The following ZNF608 variants were observed in gnomAD, a reference collection of about 807,000 sequenced individuals.
The protein encoded by ZNF608 is renal carcinoma antigen NY-REN-36.
ZNF608 carries 12 observed loss-of-function variants against 109.0 expected under a neutral mutation model. That is an observed-to-expected ratio of 0.11 (90% CI 0.07 to 0.18). The LOEUF (loss-of-function observed/expected upper bound fraction) is 0.18. Among genes scored for constraint, ZNF608 ranks in the 10% least tolerant of loss-of-function variants. The pLI is 1.00. For synonymous variants in ZNF608, 732 were observed against 717.4 expected (o/e 1.02, Z -0.33); for missense variants, 1,707 against 1,879.3 (o/e 0.91, Z 1.70).
intron 5 of ZNF608, among the ~76,000 whole-genome samples, chr5:124,645,603 A>AG (rs1561530964): frequency 2.0e-5 from 3 of 152,132 alleles, no homozygotes; most frequent in African/African-American, 7.2e-5. Context: ...GTGCTGGGAA[A>AG]TAACCAGGAT....
At chr5:124,742,302 G>A (rs1014496666) in intron 2 of ZNF608, among the ~76,000 whole-genome samples, 1 of 152,202 alleles carries the variant, frequency 6.6e-6, no homozygotes, top group Non-Finnish European at 1.5e-5. Context: ...ATTGTTGAAT[G>A]TGAACATTTG....
intron 2 of ZNF608, among the ~76,000 whole-genome samples, chr5:124,713,937 A>T (rs929757826): frequency 7.6e-4 from 115 of 152,278 alleles, no homozygotes; most frequent in Non-Finnish European, 1.3e-4. Context: ...TAACTCTCTT[A>T]AAAAAACCTA....
chr5:124,662,726 C>T (rs11241761), intron 3 of ZNF608, among the ~76,000 whole-genome samples: 89,416 of 151,978 alleles, frequency 0.59, 26,995 homozygotes, highest in East Asian at 0.67. Flanking sequence ...TTTTATACAC[C>T]TCTCTTCACT....
At chr5:124,711,061 G>A (rs563551407) in intron 2 of ZNF608, among the ~76,000 whole-genome samples, 2 of 152,318 alleles carry the variant, frequency 1.3e-5, no homozygotes, top group East Asian at 3.9e-4. Flanking sequence ...GCCACAGCCT[G>A]TCCCAATGAG....
chr5:124,697,205 G>GT (rs1468082219), intron 3 of ZNF608, among the ~76,000 whole-genome samples: 1 of 130,670 alleles, frequency 7.7e-6, no homozygotes, highest in Admixed American at 8.6e-5. Flanking sequence ...GCTAAACCAA[G>GT]TATGTTCTCA....
At chr5:124,700,676 T>C (rs942068078) in intron 3 of ZNF608, among the ~76,000 whole-genome samples, 7 of 152,228 alleles carry the variant, frequency 4.6e-5, no homozygotes, top group African/African-American at 1.2e-4. Context: ...GTTGGCACCC[T>C]AAGAATTAAA....
chr5:124,668,945 T>G (rs1259708535), intron 3 of ZNF608, among the ~76,000 whole-genome samples: 1 of 152,156 alleles, frequency 6.6e-6, no homozygotes, highest in Non-Finnish European at 1.5e-5. Flanking sequence ...CTAAACTTCC[T>G]CATTAGCAAG....
At chr5:124,675,036 A>G (rs998381807) in intron 3 of ZNF608, among the ~76,000 whole-genome samples, 1 of 152,234 alleles carries the variant, frequency 6.6e-6, no homozygotes, top group Non-Finnish European at 1.5e-5. Flanking sequence ...TGCAAAGCAC[A>G]TGACTATGTT....
In ZNF608 at chr5:124,723,457, G is replaced by A. The variant is rs552220637; in HGVS notation, c.906+20627C>T. Among the ~76,000 whole-genome samples, 9 of 152,306 alleles carry A rather than the reference G, an allele frequency of 5.9e-5. No homozygotes were observed. The East Asian group carries it at 1.7e-3, about 29-fold the overall frequency. On this transcript the variant is annotated intron_variant, in intron 2 of 9. Coordinates refer to ENST00000513986, the MANE Select transcript of ZNF608 (RefSeq NM_020747.3). ...AATCCCAGCACTTTGGGAGGCCAAG[G>A]TGGGTGGATCACCTGAGGCCAGGAG...
intron 3 of ZNF608, among the ~76,000 whole-genome samples, chr5:124,697,343 A>G (rs1307439315): frequency 1.3e-5 from 2 of 151,944 alleles, no homozygotes; most frequent in African/African-American, 4.8e-5. Context: ...TGCTATATAC[A>G]CCATGTTTTT....
intron 2 of ZNF608, among the ~76,000 whole-genome samples, chr5:124,733,061 G>A (rs78056068): frequency 2.0e-5 from 3 of 151,522 alleles, no homozygotes; most frequent in African/African-American, 7.3e-5. Context: ...AAACAGCTGA[G>A]CATGATCACA....
intron 7 of ZNF608, among the ~76,000 whole-genome samples, chr5:124,642,763 A>G (rs1209444897): frequency 6.8e-6 from 1 of 146,760 alleles, no homozygotes; most frequent in Non-Finnish European, 1.5e-5. Context: ...CAGTGGCACA[A>G]TCTCTGCTCA....
At chr5:124,676,931 G>A (rs1751969285) in intron 3 of ZNF608, among the ~76,000 whole-genome samples, 1 of 152,128 alleles carries the variant, frequency 6.6e-6, no homozygotes, top group Non-Finnish European at 1.5e-5. Flanking sequence ...GGCTATGTAG[G>A]GAGGGCAACA....
chr5:124,671,248 C>T (rs1187919102), intron 3 of ZNF608, among the ~76,000 whole-genome samples: 1 of 152,174 alleles, frequency 6.6e-6, no homozygotes, highest in Non-Finnish European at 1.5e-5. Flanking sequence ...GAAGCTCTAA[C>T]TAAATAGTCA....
Position 124,637,600 on chromosome 5 carries a change from A to T in ZNF608, c.*300T>A, listed in dbSNP as rs1326918582. ...AATTTCCTTTACTGAGTGGTTTGCGACGTGGCAGCAGACCCTGTGTGTGCG... is the reference window on the plus strand; with the variant it reads ...AATTTCCTTTACTGAGTGGTTTGCGTCGTGGCAGCAGACCCTGTGTGTGCG... On this transcript the variant is annotated 3_prime_UTR_variant, in exon 10 of 10. Transcript: ENST00000513986. The T allele has an allele frequency of 6.1e-6, 1 of 164,242 alleles. No homozygotes were observed. The highest frequency in any genetic ancestry group is 1.3e-5 in the Non-Finnish European group (1 of 77,356). The allele number at this position is 164,242 out of a possible 1,614,324, so 10.2% of individuals were successfully genotyped here.
chr5:124,640,220 G>C (rs1039626856), intron 8 of ZNF608, among the ~76,000 whole-genome samples: 3 of 152,148 alleles, frequency 2.0e-5, no homozygotes, highest in African/African-American at 7.2e-5. Flanking sequence ...AGGCAACTTG[G>C]CAAGTGCAAT....
At chr5:124,729,111 G>A (rs1479673655) in intron 2 of ZNF608, among the ~76,000 whole-genome samples, 1 of 152,198 alleles carries the variant, frequency 6.6e-6, no homozygotes, top group Non-Finnish European at 1.5e-5. Context: ...CGCTTTAAAA[G>A]CATCAGTTCT....
chr5:124,679,657 TA>T (rs1752111375), intron 3 of ZNF608, among the ~76,000 whole-genome samples: 1 of 152,190 alleles, frequency 6.6e-6, no homozygotes, highest in Non-Finnish European at 1.5e-5. Context: ...GTAGGTAGAC[TA>T]AAGGAAAAAG....
At chr5:124,710,098 T>A (rs576554424) in intron 2 of ZNF608, 9 of 380,900 alleles carry the variant, frequency 2.4e-5, no homozygotes, top group Middle Eastern at 3.7e-4. Flanking sequence ...TGGTCATTGA[T>A]AAATACATTG....
Sources: gnomAD v4.1 joint callset for allele counts (sites outside exome capture counted in the v4.1 genomes callset) on GRCh38, gnomAD v4.1.1 for gene constraint, MANE v1.5 for transcripts, NCBI Gene and HGNC (gene_info 2026-07-23, HGNC 2026-07-21) for gene names.